Variants in TEP1 observed in about 807,000 individuals in gnomAD.
TEP1 encodes the protein telomerase associated protein 1.
Under a neutral mutation model 306.3 loss-of-function variants are expected in TEP1, and 241 were observed. That is an observed-to-expected ratio of 0.79 (90% CI 0.71 to 0.88). The LOEUF (loss-of-function observed/expected upper bound fraction) is 0.88, where lower values mean the gene tolerates loss of function less well. Among genes scored for constraint, TEP1 ranks in the 40% least tolerant of loss-of-function variants. TEP1 has a pLI of 0.00. For missense variants in TEP1, 3,051 were observed against 3,276.1 expected (o/e 0.93, Z 1.68); for synonymous variants, 1,289 against 1,305.5 (o/e 0.99, Z 0.27).
At chr14:20,398,443 T>A (rs1359970236) in intron 9 of TEP1, among the ~76,000 whole-genome samples, 1 of 151,278 alleles carries the variant, frequency 6.6e-6, no homozygotes, top group Non-Finnish European at 1.5e-5. Flanking sequence ...AATAATATAA[T>A]TCCAAATCCA....
rs1566458354 is a variant in TEP1 at position 20,384,421 on chromosome 14, T to C, written c.3309A>G (p.Val1103=). The part of the protein sequence containing the change: ...EEFGQLVLQD[V]WNMIQKLYLQ... ...GGTAGAGCTTCTGGATCATATTCCA[T>C]ACATCCTGCAGAACCAACTGCCCAA... The change falls in exon 23 of 55, where the codon GTA becomes GTG. Residue 1103 remains valine (V), a synonymous_variant. Coordinates refer to ENST00000262715, the MANE Select transcript of TEP1 (RefSeq NM_007110.5). 1.2e-6 allele frequency: 2 copies of C among 1,614,008 alleles called. No individual in the cohort carries two copies. The highest frequency in any genetic ancestry group is 1.1e-5 in the South Asian group (1 of 91,076).
In TEP1 at chr14:20,404,356, C is replaced by CAAA. The variant is rs34000493; in HGVS notation, c.1032+252_1032+254dup. ...GGCGACAAGAGTGAAACTCCGTCTCCAAAAAAAAAAAAAAAAAGCATGAGG... is the reference window on the plus strand; with the variant it reads ...GGCGACAAGAGTGAAACTCCGTCTCCAAAAAAAAAAAAAAAAAAAAGCATGAGG... On this transcript the variant is annotated intron_variant, in intron 5 of 54. Coordinates refer to ENST00000262715, the MANE Select transcript of TEP1 (RefSeq NM_007110.5). Among the ~76,000 whole-genome samples the CAAA allele has an allele frequency of 2.8e-3, 269 of 95,474 alleles. 1 individual carries two copies. The highest frequency in any genetic ancestry group is 3.4e-3 in the East Asian group (12 of 3,572). The allele number at this position is 95,474 out of a possible 152,430, so 62.6% of individuals were successfully genotyped here.
chr14:20,405,258 C>G (rs543214750), intron 4 of TEP1, among the ~76,000 whole-genome samples, 193 bp downstream of exon 4: 1 of 152,280 alleles, frequency 6.6e-6, no homozygotes, highest in African/African-American at 2.4e-5. Context: ...ACTAAACAAA[C>G]CAAGTCTAGT....
chr14:20,375,962 G>A, intron 42 of TEP1, 94 bp from the exon 43 acceptor site: 1 of 1,458,198 alleles, frequency 6.9e-7, no homozygotes, highest in Admixed American at 1.7e-5. Flanking sequence ...GGAAAGAGGG[G>A]CACAAGGAAG....
At position 20,395,859 on chromosome 14, in the gene TEP1, C is replaced by G. The variant is rs1200279314; in HGVS notation, c.1750G>C (p.Ala584Pro). ...GGAGTTGGAAGAAAGGGGAGAATAC[C>G]TTGATTTCTGAGTTGAGCCTCGAGG... is the stretch of plus-strand genomic sequence containing the variant. The part of the protein sequence containing the change: ...DALEAQLRNQ[A>P]LPFPSNITLM... The change falls in exon 11 of 55, where the codon GCA becomes CCA. Residue 584 changes from alanine to proline, a missense_variant and splice_region_variant. Physicochemically the swap from Ala to Pro is conservative, Grantham distance 27. Coordinates refer to ENST00000262715, the MANE Select transcript of TEP1 (RefSeq NM_007110.5). The G allele has an allele frequency of 2.5e-6, 4 of 1,613,260 alleles. No homozygotes were observed. The East Asian group carries it at 8.9e-5, about 36-fold the overall frequency.
rs775110731 is a variant in TEP1 at position 20,406,404 on chromosome 14, G to C, written c.568-4C>G. The stretch of plus-strand genomic sequence containing the variant: ...CTTCTGAATCAAACCAACGACCCTG[G>C]GGTAGTAGTGGCAGTTATGAATCAC... On this transcript the variant is annotated splice_region_variant and splice_polypyrimidine_tract_variant and intron_variant, in intron 2 of 54. Coordinates refer to ENST00000262715, the MANE Select transcript of TEP1 (RefSeq NM_007110.5). The C allele has an allele frequency of 6.2e-7, 1 of 1,613,578 alleles. No individual in the cohort carries two copies. Among genetic ancestry groups the C allele is most frequent in the Middle Eastern group, 1.6e-4 (1 of 6,062 alleles).
In TEP1 at chr14:20,373,465, C is replaced by T. The variant is rs1488321908; in HGVS notation, c.6681+42G>A. The T allele has an allele frequency of 3.1e-6, 5 of 1,614,010 alleles. No homozygotes were observed. In the Middle Eastern group the frequency reaches 5.0e-4, roughly 160 times the overall value. On this transcript the variant is annotated intron_variant, in intron 46 of 54. Transcript: ENST00000262715. ...GCACAACAGAAGGTTATTCCGCATA[C>T]CTTCCCCACCTCCCTTGACTCTGGT...
rs1432323873 is a variant in TEP1 at position 20,406,346 on chromosome 14, A to G, written c.622T>C (p.Tyr208His). ...TCCTCCTCTCCCAAGCTCAGACTAT[A>G]AGAAGGCATTTGGGTCTCTGCCCCT... ...KKGAETQMPS[Y>H]SLSLGEEEEV... The change falls in exon 3 of 55, where the codon TAT becomes CAT. Residue 208 changes from tyrosine to histidine, a missense_variant. Physicochemically the swap from Tyr to His is moderately conservative, Grantham distance 83. Around this residue, in one of 3 missense-constraint regions of TEP1, gnomAD observed 1,507 missense variants for 1,550.5 expected, o/e 0.97. Transcript: ENST00000262715. The G allele has an allele frequency of 6.2e-7, 1 of 1,614,134 alleles. No homozygotes were observed.
intron 19 of TEP1, 79 bp from the exon 20 acceptor site, chr14:20,386,274 G>A (rs1014821422): frequency 1.2e-6 from 2 of 1,603,598 alleles, no homozygotes; most frequent in Admixed American, 1.8e-5. Context: ...CAGGGAGACG[G>A]GGCCCTGACT....
intron 7 of TEP1, among the ~76,000 whole-genome samples, chr14:20,403,159 C>CAAAAAAAAAAAAAAAA: frequency 1.2e-5 from 1 of 83,222 alleles, no homozygotes; most frequent in Non-Finnish European, 2.4e-5. Flanking sequence ...AACTTCATCT[C>CAAAAAAAAAAAAAAAA]AAAAAAAAAA....
chr14:20,382,573 A>G (rs750397747), intron 28 of TEP1, 50 bp downstream of exon 28: 1 of 1,603,694 alleles, frequency 6.2e-7, no homozygotes, highest in Non-Finnish European at 8.5e-7. Flanking sequence ...AAGCAGCTGA[A>G]GAGAGAATGG....
intron 49 of TEP1, among the ~76,000 whole-genome samples, 170 bp from the exon 50 acceptor site, chr14:20,371,802 T>C (rs1884857895): frequency 6.6e-6 from 1 of 152,210 alleles, no homozygotes; most frequent in African/African-American, 2.4e-5. Context: ...TTAGTATTCA[T>C]CGGTGCCATC....
chr14:20,371,361 G>T (rs1198020668), intron 50 of TEP1, 47 bp from the exon 51 acceptor site: 1 of 1,597,946 alleles, frequency 6.3e-7, no homozygotes, highest in Admixed American at 1.7e-5. Flanking sequence ...TTAAAGAGAG[G>T]TAAAGAGAAG....
chr14:20,379,126 G>A, intron 35 of TEP1, 21 bp from the exon 36 acceptor site: 1 of 1,612,680 alleles, frequency 6.2e-7, no homozygotes, highest in Non-Finnish European at 8.5e-7. Flanking sequence ...GGGTGAGGGA[G>A]CGCAGCTCAG....
rs1172595154 is a variant in TEP1 at position 20,405,604 on chromosome 14, G to A, written c.736-19C>T. 2 of 1,611,698 alleles carry A rather than the reference G, an allele frequency of 1.2e-6. No individual in the cohort carries two copies. Among genetic ancestry groups the A allele is most frequent in the African/African-American group, 1.3e-5 (1 of 74,820 alleles). On this transcript the variant is annotated intron_variant, in intron 3 of 54. Coordinates refer to ENST00000262715, the MANE Select transcript of TEP1 (RefSeq NM_007110.5). ...GAGCCATCTGGGAATTGAGAAAGAGGGAAGAAATGAGAAGAGAGGTAACAA... is the reference window on the plus strand; with the variant it reads ...GAGCCATCTGGGAATTGAGAAAGAGAGAAGAAATGAGAAGAGAGGTAACAA...
intron 12 of TEP1, 35 bp downstream of exon 12, chr14:20,395,415 T>A (rs771416986): frequency 4.6e-6 from 7 of 1,530,848 alleles, no homozygotes; most frequent in Non-Finnish European, 6.2e-6. Context: ...TAGCCCCGAT[T>A]GCCCACCCTT....
intron 18 of TEP1, 49 bp from the exon 19 acceptor site, chr14:20,386,672 C>G (rs1023532558): frequency 2.7e-6 from 4 of 1,508,126 alleles, no homozygotes; most frequent in Admixed American, 2.0e-5. Context: ...ATTCCCACCC[C>G]CCATCCATAG....
rs747832015 is a variant in TEP1 at position 20,374,559 on chromosome 14, A to C, written c.6364-23T>G. 13 of 1,567,448 alleles carry C rather than the reference A, an allele frequency of 8.3e-6. No homozygotes were observed. In the South Asian group the frequency reaches 1.4e-4, roughly 16 times the overall value. On this transcript the variant is annotated intron_variant, in intron 43 of 54. Transcript: ENST00000262715. ...TATCTACAGAGTCAGAAGTCAGAGGAGTGGGATTATCAGCATCCCTCCAGC... is the reference window on the plus strand; with the variant it reads ...TATCTACAGAGTCAGAAGTCAGAGGCGTGGGATTATCAGCATCCCTCCAGC...
At chr14:20,377,519 T>C in intron 40 of TEP1, 27 bp from the exon 41 acceptor site, 1 of 1,611,680 alleles carries the variant, frequency 6.2e-7, no homozygotes, top group East Asian at 2.2e-5. Context: ...AACAAGGGAG[T>C]AAGACACTTG....
Sources: gnomAD v4.1 joint callset for allele counts (sites outside exome capture counted in the v4.1 genomes callset) on GRCh38, gnomAD v4.1.1 for gene constraint, gnomAD v4.1.1 regional missense constraint, MANE v1.5 for transcripts, NCBI Gene and HGNC (gene_info 2026-07-23, HGNC 2026-07-21) for gene names.